The following ST14 variants were observed in gnomAD, a reference collection of about 807,000 sequenced individuals.
ST14 encodes the protein ST14 transmembrane serine protease matriptase.
A neutral mutation model predicts 96.5 loss-of-function variants in ST14; 40 were observed. The ratio of observed to expected loss-of-function variants is 0.41; its 90% CI spans 0.32 to 0.54. The LOEUF is 0.54. Among genes scored for constraint, ST14 ranks in the 20% least tolerant of loss-of-function variants. ST14 has a pLI of 0.17. For missense variants in ST14, 1,066 were observed against 1,188.9 expected (o/e 0.90, Z 1.52); for synonymous variants, 506 against 492.1 (o/e 1.03, Z -0.37).
Position 130,202,674 on chromosome 11 carries a change from C to T in ST14, c.1994+2537C>T, listed in dbSNP as rs7125182. Among the ~76,000 whole-genome samples the T allele has an allele frequency of 9.6e-3, 1,464 of 152,312 alleles. 24 individuals carry two copies. Among genetic ancestry groups the T allele is most frequent in the African/African-American group, 0.031 (1,279 of 41,566 alleles). On this transcript the variant is annotated intron_variant, in intron 16 of 18. Transcript: ENST00000278742. Reference sequence around the variant, plus strand: ...GACCCTGAGCACATGGCTAAGTCATCATGCATTCATTGGGCACTGCCGGGA... The same window carrying T: ...GACCCTGAGCACATGGCTAAGTCATTATGCATTCATTGGGCACTGCCGGGA...
At position 130,190,639 on chromosome 11, in the gene ST14, G is replaced by T; in HGVS notation, c.820G>T (p.Asp274Tyr). 6.2e-7 allele frequency: 1 copy of T among 1,608,882 alleles called. No homozygotes were observed. Among genetic ancestry groups the T allele is most frequent in the Non-Finnish European group, 8.5e-7 (1 of 1,178,080 alleles). ...TGCGTCCTGCGACGAGCGCGGCAGC[G>T]ACCTGGTGACGGTGTACAACACCCT... is the stretch of plus-strand genomic sequence containing the variant. ...DLASCDERGSDLVTVYNTLSP... is the reference protein window; with the variant it reads ...DLASCDERGSYLVTVYNTLSP... The change falls in exon 7 of 19, where the codon GAC becomes TAC. Residue 274 changes from aspartate (D) to tyrosine (Y), a missense_variant. Physicochemically the swap from Asp to Tyr is radical, Grantham distance 160 (BLOSUM62 -3). Transcript: ENST00000278742.
At chr11:130,195,143 G>T (rs900142423) in intron 9 of ST14, among the ~76,000 whole-genome samples, 5 of 152,138 alleles carry the variant, frequency 3.3e-5, no homozygotes, top group African/African-American at 9.7e-5. Flanking sequence ...AGCTACTCAG[G>T]AGGCCGAGGT....
At chr11:130,182,993 G>A (rs1307437510) in intron 1 of ST14, among the ~76,000 whole-genome samples, 1 of 149,106 alleles carries the variant, frequency 6.7e-6, no homozygotes, top group Non-Finnish European at 1.5e-5. Context: ...TTTCGCTCTT[G>A]TTGCCCAGGC....
intron 11 of ST14, 92 bp from the exon 12 acceptor site, chr11:130,197,749 G>A: frequency 2.7e-6 from 3 of 1,104,258 alleles, no homozygotes; most frequent in Non-Finnish European, 3.9e-6. Context: ...CTGTGTGTTT[G>A]TGGCTGGGAG....
At chr11:130,163,361 T>A (rs940767611) in intron 1 of ST14, among the ~76,000 whole-genome samples, 6 of 152,212 alleles carry the variant, frequency 3.9e-5, no homozygotes, top group Non-Finnish European at 8.8e-5. Flanking sequence ...CAGCTGCATA[T>A]CCCTTTCTCC....
chr11:130,170,799 G>A (rs1012963353), intron 1 of ST14, among the ~76,000 whole-genome samples: 28 of 152,098 alleles, frequency 1.8e-4, no homozygotes, highest in African/African-American at 6.3e-4. Context: ...GCAGGGGCCC[G>A]TCTCTTGGGC....
Position 130,194,688 on chromosome 11 carries a change from A to G in ST14, c.1064A>G (p.Tyr355Cys), listed in dbSNP as rs765990843. Residue 355 changes from tyrosine to cysteine, a missense_variant, in exon 9 of 19, where the codon TAC (tyrosine) becomes TGC (cysteine). Transcript: ENST00000278742. ...GCCCAGGGGACATTCAACAGCCCCT[A>G]CTACCCAGGCCACTACCCACCCAAC... ...RKAQGTFNSP[Y>C]YPGHYPPNID... 3.1e-6 allele frequency: 5 copies of G among 1,614,136 alleles called. No homozygotes were observed. Among genetic ancestry groups the G allele is most frequent in the South Asian group, 2.2e-5 (2 of 91,074 alleles).
At chr11:130,198,855 GC>G (rs1591893497) in intron 14 of ST14, 91 bp from the exon 15 acceptor site, 1 of 1,607,734 alleles carries the variant, frequency 6.2e-7, no homozygotes, top group Non-Finnish European at 8.5e-7. Flanking sequence ...GGGGTAATGT[GC>G]AGGGGCCATG....
chr11:130,198,304 C>G lies in ST14; in HGVS notation c.1460-4C>G. 6.2e-7 allele frequency: 1 copy of G among 1,613,986 alleles called. No homozygotes were observed. Among genetic ancestry groups the G allele is most frequent in the Non-Finnish European group, 8.5e-7 (1 of 1,179,884 alleles). On this transcript the variant is annotated splice_polypyrimidine_tract_variant and splice_region_variant and intron_variant, in intron 12 of 18. Transcript: ENST00000278742. ...ACGGCCGACCTCCCCTTACCCCACTCCAGGTTGCGACGCCGGCCACCAGTT... is the reference window on the plus strand; with the variant it reads ...ACGGCCGACCTCCCCTTACCCCACTGCAGGTTGCGACGCCGGCCACCAGTT...
Position 130,209,877 on chromosome 11 carries a change from A to G in ST14, c.*54A>G. On this transcript the variant is annotated 3_prime_UTR_variant, in exon 19 of 19. Transcript: ENST00000278742. ...TGCGGGGCCACCCATCGTCCACCCC[A>G]GTGTGCACGCCTGCAGGCTGGAGAC... The G allele has an allele frequency of 1.2e-6, 2 of 1,601,504 alleles. No individual in the cohort carries two copies. Among genetic ancestry groups the G allele is most frequent in the Non-Finnish European group, 8.5e-7 (1 of 1,176,010 alleles).
At chr11:130,162,843 A>C (rs952185421) in intron 1 of ST14, among the ~76,000 whole-genome samples, 8 of 152,150 alleles carry the variant, frequency 5.3e-5, no homozygotes, top group Non-Finnish European at 1.0e-4. Context: ...AGGTCAGCAA[A>C]TTAGGGCTGC....
chr11:130,199,923 G>A, intron 15 of ST14, 28 bp from the exon 16 acceptor site: 1 of 1,613,848 alleles, frequency 6.2e-7, no homozygotes, highest in Non-Finnish European at 8.5e-7. Context: ...TTGACTTGCT[G>A]TCCTCTGGTT....
At position 130,189,922 on chromosome 11, in the gene ST14, G is replaced by A. The variant is rs181877420; in HGVS notation, c.598+26G>A. 268 of 1,613,436 alleles carry A rather than the reference G, an allele frequency of 1.7e-4. 1 individual carries two copies. In the African/African-American group the frequency reaches 2.6e-3, roughly 15 times the overall value. On this transcript the variant is annotated intron_variant, in intron 5 of 18. Coordinates refer to ENST00000278742, the MANE Select transcript of ST14 (RefSeq NM_021978.4). The stretch of plus-strand genomic sequence containing the variant: ...GTGAGTCCGAGGGCCAGGGGTGGGC[G>A]TGGGACTGGCCAGCCTTCCATGGAG...
chr11:130,199,186 G>C (rs1953402697), intron 15 of ST14, 117 bp downstream of exon 15: 1 of 1,110,368 alleles, frequency 9.0e-7, no homozygotes, highest in African/African-American at 1.5e-5. Context: ...CTGTGCTTGG[G>C]TGAGAGGGTG....
chr11:130,196,230 G>A, intron 9 of ST14, 109 bp from the exon 10 acceptor site: 1 of 816,746 alleles, frequency 1.2e-6, no homozygotes, highest in Admixed American at 2.0e-5. Context: ...CTTGGTGATG[G>A]AAGGCATACC....
chr11:130,198,857 A>G, intron 14 of ST14, 90 bp from the exon 15 acceptor site: 1 of 1,608,104 alleles, frequency 6.2e-7, no homozygotes, highest in Non-Finnish European at 8.5e-7. Flanking sequence ...GGTAATGTGC[A>G]GGGGCCATGA....
chr11:130,177,078 A>G (rs1016176583), intron 1 of ST14, among the ~76,000 whole-genome samples: 5 of 150,184 alleles, frequency 3.3e-5, no homozygotes, highest in Non-Finnish European at 5.9e-5. Context: ...GATTACAGGC[A>G]TGAGCCACCG....
chr11:130,169,488 G>A (rs1184718132), intron 1 of ST14, among the ~76,000 whole-genome samples: 1 of 152,186 alleles, frequency 6.6e-6, no homozygotes, highest in East Asian at 1.9e-4. Flanking sequence ...GAGGGAGGTG[G>A]CTGTGGTTAC....
chr11:130,177,913 G>T (rs761450395), intron 1 of ST14, among the ~76,000 whole-genome samples: 3 of 152,236 alleles, frequency 2.0e-5, no homozygotes, highest in African/African-American at 7.2e-5. Context: ...GCGGTGCGAG[G>T]TCCTAACCGG....
Sources: allele counts gnomAD v4.1 joint callset (sites outside exome capture counted in the v4.1 genomes callset), GRCh38; gene constraint gnomAD v4.1.1; transcripts MANE v1.5; gene names NCBI Gene and HGNC (gene_info 2026-07-23, HGNC 2026-07-21).